SH3RF1: variants seen among roughly 807,000 people sequenced by gnomAD.
The protein encoded by SH3RF1 is E3 ubiquitin-protein ligase SH3RF1.
A neutral mutation model predicts 74.0 loss-of-function variants in SH3RF1; 32 were observed. The observed-to-expected ratio is 0.43, with a 90% CI of 0.33 to 0.58. The LOEUF is 0.58. Ranked by LOEUF, SH3RF1 falls within the 20% of genes least tolerant of loss-of-function variation. SH3RF1 has a pLI of 0.05. For missense variants in SH3RF1, 954 were observed against 1,130.9 expected (o/e 0.84, Z 2.24); for synonymous variants, 396 against 439.6 (o/e 0.90, Z 1.24).
chr4:169,198,826 G>C (rs1734864019), intron 2 of SH3RF1, among the ~76,000 whole-genome samples: 1 of 152,132 alleles, frequency 6.6e-6, no homozygotes, highest in African/African-American at 2.4e-5. Context: ...GGAAACAATA[G>C]AGGCCAATGG....
intron 2 of SH3RF1, among the ~76,000 whole-genome samples, chr4:169,160,702 C>T (rs1161631332): frequency 1.3e-5 from 2 of 152,124 alleles, no homozygotes; most frequent in South Asian, 2.1e-4. Context: ...AGAAGGCTTC[C>T]CACATTAAAT....
chr4:169,130,582 A>G (rs764967467), intron 5 of SH3RF1, among the ~76,000 whole-genome samples: 18 of 152,200 alleles, frequency 1.2e-4, no homozygotes, highest in Non-Finnish European at 2.5e-4. Context: ...CGTTAAATCT[A>G]TGTGAAATTC....
At chr4:169,174,096 C>T (rs1364228885) in intron 2 of SH3RF1, among the ~76,000 whole-genome samples, 2 of 152,122 alleles carry the variant, frequency 1.3e-5, no homozygotes, top group Non-Finnish European at 2.9e-5. Flanking sequence ...CAGGGTCTCA[C>T]TCTGTCACCC....
rs370176763 is a variant in SH3RF1 at position 169,120,540 on chromosome 4, T to C, written c.1517+279A>G. ...TATGCCTTTTCTAGTAGAAAAATAC[T>C]GAAAATGGTGTTGTTGAACCTTCTC... is the stretch of plus-strand genomic sequence containing the variant. On this transcript the variant is annotated intron_variant, in intron 8 of 11. Transcript: ENST00000284637. 2.6e-5 allele frequency among the ~76,000 whole-genome samples: 4 copies of C among 152,360 alleles called. No individual in the cohort carries two copies. The East Asian group carries it at 7.7e-4, about 29-fold the overall frequency.
At chr4:169,159,310 T>C (rs1171205279) in intron 2 of SH3RF1, among the ~76,000 whole-genome samples, 1 of 152,240 alleles carries the variant, frequency 6.6e-6, no homozygotes, top group African/African-American at 2.4e-5. Context: ...CAAGGCTAGT[T>C]ATCACAGCTT....
chr4:169,153,212 A>G (rs1361586691), intron 4 of SH3RF1, among the ~76,000 whole-genome samples: 1 of 152,136 alleles, frequency 6.6e-6, no homozygotes, highest in African/African-American at 2.4e-5. Flanking sequence ...GTCTAATCTG[A>G]GCTCCAAACC....
rs754262727 is a variant in SH3RF1 at position 169,107,194 on chromosome 4, CT to C, written c.2150del (p.Lys717ArgfsTer4). Reference sequence around the variant, plus strand: ...CGCCAGAAAGCAACTTCAACAAACCCTTTTTTTCTTTCTGGAAAAAAAAAAT... The same window carrying C: ...CGCCAGAAAGCAACTTCAACAAACCCTTTTTTCTTTCTGGAAAAAAAAAAT... ...KPDKDSKKEK[K>X]GLLKLLSGAS... On this transcript the variant is annotated frameshift_variant, in exon 11 of 12. Coordinates refer to ENST00000284637, the MANE Select transcript of SH3RF1 (RefSeq NM_020870.4). LOFTEE classifies it high-confidence loss of function. The C allele has an allele frequency of 6.5e-7, 1 of 1,539,098 alleles. No homozygotes were observed. Among genetic ancestry groups the C allele is most frequent in the Non-Finnish European group, 8.7e-7 (1 of 1,144,244 alleles).
rs191913630 is a variant in SH3RF1, at chr4:169,106,601, G to A, written c.2498+246C>T. On this transcript the variant is annotated intron_variant, in intron 11 of 11. Transcript: ENST00000284637. ...GTTTTTACCTGGACACAATTCAGGCGTGGCAGAGTAGAGAAAATAAAGGAA... is the reference window on the plus strand; with the variant it reads ...GTTTTTACCTGGACACAATTCAGGCATGGCAGAGTAGAGAAAATAAAGGAA... Among the ~76,000 whole-genome samples the A allele has an allele frequency of 1.7e-3, 252 of 152,188 alleles. 1 individual carries two copies. Among genetic ancestry groups the A allele is most frequent in the African/African-American group, 5.9e-3 (245 of 41,526 alleles).
chr4:169,113,238 G>T (rs1042459100), intron 10 of SH3RF1, among the ~76,000 whole-genome samples: 3 of 152,112 alleles, frequency 2.0e-5, no homozygotes, highest in Non-Finnish European at 2.9e-5. Flanking sequence ...AGCCTCCTGA[G>T]TAGCTGGGAT....
chr4:169,252,438 G>C (rs1263980988), intron 2 of SH3RF1, among the ~76,000 whole-genome samples: 2 of 152,152 alleles, frequency 1.3e-5, no homozygotes, highest in East Asian at 1.9e-4. Flanking sequence ...CATTGAAAAG[G>C]GCTATGAAAA....
chr4:169,232,089 T>C (rs1474926601), intron 2 of SH3RF1, among the ~76,000 whole-genome samples: 2 of 152,202 alleles, frequency 1.3e-5, no homozygotes, highest in Admixed American at 6.5e-5. Flanking sequence ...AAGCCAGGCA[T>C]ACAGGAACTG....
At chr4:169,118,784 T>C (rs1733386943) in intron 8 of SH3RF1, among the ~76,000 whole-genome samples, 1 of 152,154 alleles carries the variant, frequency 6.6e-6, no homozygotes, top group South Asian at 2.1e-4. Flanking sequence ...ATAAATTCTT[T>C]ATCAAATACT....
chr4:169,208,845 G>A (rs1373158713), intron 2 of SH3RF1, among the ~76,000 whole-genome samples: 1 of 151,964 alleles, frequency 6.6e-6, no homozygotes, highest in Non-Finnish European at 1.5e-5. Flanking sequence ...GTGGGCCTAC[G>A]CAGAAACCCC....
chr4:169,245,507 C>T (rs1465739308), intron 2 of SH3RF1, among the ~76,000 whole-genome samples: 9 of 152,114 alleles, frequency 5.9e-5, no homozygotes, highest in Admixed American at 3.3e-4. Context: ...AAGCTTATGT[C>T]CTTATACCAG....
At chr4:169,262,421 C>T (rs922398150) in intron 2 of SH3RF1, among the ~76,000 whole-genome samples, 36 of 152,120 alleles carry the variant, frequency 2.4e-4, no homozygotes, top group African/African-American at 7.7e-4. Flanking sequence ...AATCCCAGCA[C>T]TTTGGGAGGC....
At chr4:169,232,737 T>C (rs1730762759) in intron 2 of SH3RF1, among the ~76,000 whole-genome samples, 1 of 152,174 alleles carries the variant, frequency 6.6e-6, no homozygotes, top group Non-Finnish European at 1.5e-5. Flanking sequence ...TTTGATAAAC[T>C]GTACTTTAAT....
intron 6 of SH3RF1, among the ~76,000 whole-genome samples, chr4:169,129,834 C>T (rs1733583022): frequency 6.6e-6 from 1 of 152,168 alleles, no homozygotes; most frequent in Admixed American, 6.5e-5. Flanking sequence ...TAGCTTCAGG[C>T]CACTGATCCT....
At chr4:169,195,383 A>T (rs1279886188) in intron 2 of SH3RF1, among the ~76,000 whole-genome samples, 5 of 152,146 alleles carry the variant, frequency 3.3e-5, no homozygotes, top group Admixed American at 2.6e-4. Context: ...TATTAGCATT[A>T]CAGTGATATG....
At chr4:169,268,534 AG>A (rs1362031003) in intron 2 of SH3RF1, among the ~76,000 whole-genome samples, 3 of 152,232 alleles carry the variant, frequency 2.0e-5, no homozygotes, top group African/African-American at 7.2e-5. Flanking sequence ...ACAGAACAAA[AG>A]CTGGTTTAGA....
Sources: allele counts gnomAD v4.1 joint callset (sites outside exome capture counted in the v4.1 genomes callset), GRCh38; gene constraint gnomAD v4.1.1; transcripts MANE v1.5; gene names NCBI Gene and HGNC (gene_info 2026-07-23, HGNC 2026-07-21).